The following OR1J2 variants were observed in gnomAD, a reference collection of about 807,000 sequenced individuals.
OR1J2 encodes the protein olfactory receptor family 1 subfamily J member 2, also known as olfactory receptor 1J2.
For synonymous variants in OR1J2, 142 were observed against 99.7 expected, an observed-to-expected ratio of 1.42 and a Z score of -2.52; for missense variants, 304 against 246.1, an observed-to-expected ratio of 1.24 and a Z score of -1.57.
chr9:122,579,499 T>C, the OR1J2 span, among the ~76,000 whole-genome samples: 3 of 152,120 alleles, frequency 2.0e-5, no homozygotes, highest in Admixed American at 6.5e-5. Context: ...AAATTTCAGG[T>C]TGTCAACTAA....
At chr9:122,567,698 A>G in the OR1J2 span, 1 of 1,614,150 alleles carries the variant, frequency 6.2e-7, no homozygotes, top group Non-Finnish European at 8.5e-7. Flanking sequence ...GGGGCTGTAA[A>G]TAGACACAGA....
the OR1J2 span, among the ~76,000 whole-genome samples, chr9:122,466,711 T>G: frequency 2.8e-3 from 431 of 152,324 alleles, 5 homozygotes; most frequent in East Asian, 0.058. Context: ...CCCCCATCTC[T>G]TCTCCCATCT....
At chr9:122,526,748 G>A in the OR1J2 span, 1 of 1,614,150 alleles carries the variant, frequency 6.2e-7, no homozygotes, top group Non-Finnish European at 8.5e-7. Context: ...ACAGCTTCAG[G>A]ACAGGAGTGA....
the OR1J2 span, among the ~76,000 whole-genome samples, chr9:122,540,353 C>T: frequency 1.3e-5 from 2 of 152,304 alleles, no homozygotes; most frequent in South Asian, 4.1e-4. Context: ...GTTTTCCCAG[C>T]ACCATTTATT....
chr9:122,527,440 T>C, the OR1J2 span: 2 of 605,882 alleles, frequency 3.3e-6, no homozygotes, highest in Non-Finnish European at 5.8e-6. Flanking sequence ...TTCTTTTCTC[T>C]CTTCATCAGA....
the OR1J2 span, among the ~76,000 whole-genome samples, chr9:122,541,968 A>T: frequency 6.6e-6 from 1 of 152,204 alleles, no homozygotes; most frequent in Non-Finnish European, 1.5e-5. Context: ...TAAAGCCAGA[A>T]CACTCCCTCT....
the OR1J2 span, among the ~76,000 whole-genome samples, chr9:122,555,553 C>T: frequency 6.6e-6 from 1 of 152,148 alleles, no homozygotes; most frequent in African/African-American, 2.4e-5. Flanking sequence ...AAGATCCCCA[C>T]CTTTGCCCTC....
chr9:122,533,326 A>G, the OR1J2 span, among the ~76,000 whole-genome samples: 1 of 152,222 alleles, frequency 6.6e-6, no homozygotes, highest in African/African-American at 2.4e-5. Flanking sequence ...GCCATGCTGT[A>G]ACAGGCGAAT....
At position 122,511,354 on chromosome 9, in the gene OR1J2, C is replaced by T. The variant is rs764563572; in HGVS notation, c.553C>T (p.Leu185Phe). Residue 185 changes from leucine (L) to phenylalanine (F), a missense_variant, in exon 1 of 1, where the codon CTC becomes TTC. Transcript: ENST00000335302. ...TGTCTTCTGTGACCTTGCTGCCCTG[C>T]TCAAGCTGTCCTGCTCAGATATCTT... ...PHVFCDLAAL[L>F]KLSCSDIFLN... The T allele has an allele frequency of 2.7e-6, 2 of 733,160 alleles. No homozygotes were observed. The highest frequency in any genetic ancestry group is 1.5e-5 in the South Asian group (1 of 65,002). The allele number at this position is 733,160 out of a possible 1,614,324, so 45.4% of individuals were successfully genotyped here.
chr9:122,475,549 C>G, the OR1J2 span: 1 of 152,340 alleles, frequency 6.6e-6, no homozygotes, highest in African/African-American at 2.4e-5. Context: ...ACAAGACACT[C>G]TCTTACCTCC....
chr9:122,527,357 T>A, the OR1J2 span: 1 of 974,364 alleles, frequency 1.0e-6, no homozygotes, highest in Non-Finnish European at 1.5e-6. Flanking sequence ...TACAACTGTG[T>A]GGGCTGACTC....
At chr9:122,453,849 A>G in the OR1J2 span, among the ~76,000 whole-genome samples, 11 of 152,242 alleles carry the variant, frequency 7.2e-5, no homozygotes, top group Admixed American at 7.2e-4. Flanking sequence ...TTGCTTTAAC[A>G]ATGGAGTGTC....
At chr9:122,515,639 A>T (rs1488575552), downstream of OR1J2, among the ~76,000 whole-genome samples, 2 of 152,126 alleles carry the variant, frequency 1.3e-5, no homozygotes, top group African/African-American at 4.8e-5. Context: ...TACTGCATAC[A>T]GTGTTAGAGA....
the OR1J2 span, among the ~76,000 whole-genome samples, chr9:122,455,076 T>G: frequency 6.6e-6 from 1 of 152,236 alleles, no homozygotes; most frequent in Non-Finnish European, 1.5e-5. Context: ...CTGAGTAATA[T>G]TTCATTATAT....
the OR1J2 span, chr9:122,476,999 C>A: frequency 6.3e-7 from 1 of 1,598,462 alleles, no homozygotes; most frequent in Non-Finnish European, 8.6e-7. Flanking sequence ...TGAGCCACTG[C>A]GCCTGACCTA....
chr9:122,563,124 A>C, the OR1J2 span, among the ~76,000 whole-genome samples: 1 of 151,966 alleles, frequency 6.6e-6, no homozygotes, highest in East Asian at 1.9e-4. Flanking sequence ...GTACTAATTT[A>C]TATTCTCACC....
At chr9:122,486,596 CAT>C in the OR1J2 span, among the ~76,000 whole-genome samples, 1 of 152,202 alleles carries the variant, frequency 6.6e-6, no homozygotes, top group African/African-American at 2.4e-5. Context: ...TCATTAATCA[CAT>C]ATTTATTGTG....
chr9:122,495,706 G>A, the OR1J2 span, among the ~76,000 whole-genome samples: 2 of 151,976 alleles, frequency 1.3e-5, no homozygotes, highest in Non-Finnish European at 2.9e-5. Context: ...ATTTCATCTT[G>A]GTTTGGATCC....
chr9:122,551,682 G>A, the OR1J2 span, among the ~76,000 whole-genome samples: 1 of 152,096 alleles, frequency 6.6e-6, no homozygotes, highest in Non-Finnish European at 1.5e-5. Flanking sequence ...CTGGGAAAGA[G>A]AGGTCCTCAG....
Sources: allele counts gnomAD v4.1 joint callset (sites outside exome capture counted in the v4.1 genomes callset), GRCh38; gene constraint gnomAD v4.1.1; transcripts MANE v1.5; gene names NCBI Gene and HGNC (gene_info 2026-07-23, HGNC 2026-07-21).